Variants in ZNF609 observed in about 807,000 individuals in gnomAD.
ZNF609 encodes zinc finger protein 609.
Under a neutral mutation model 109.5 loss-of-function variants are expected in ZNF609, and 11 were observed. The observed-to-expected ratio is 0.10, with a 90% CI of 0.06 to 0.17. The LOEUF (loss-of-function observed/expected upper bound fraction) is 0.17. Ranked by LOEUF, ZNF609 falls within the 10% of genes least tolerant of loss-of-function variation. The pLI is 1.00. For missense variants in ZNF609, 1,559 were observed against 1,772.4 expected (o/e 0.88, Z 2.16); for synonymous variants, 646 against 662.0 (o/e 0.98, Z 0.37).
chr15:64,614,110 G>C (rs1384108294), intron 2 of ZNF609, among the ~76,000 whole-genome samples: 2 of 149,402 alleles, frequency 1.3e-5, no homozygotes, highest in Non-Finnish European at 3.0e-5. Flanking sequence ...TAGTAGAGAC[G>C]GGGTTTCACC....
chr15:64,507,443 C>T (rs1893653450), intron 2 of ZNF609, among the ~76,000 whole-genome samples: 1 of 152,174 alleles, frequency 6.6e-6, no homozygotes. Flanking sequence ...ACTCTTCAAG[C>T]CATGCTTGAG....
In ZNF609 at chr15:64,681,442, T is replaced by A. The variant is rs906170292; in HGVS notation, c.*5+55T>A. ...ACATAAAGCCGGGATAGTTGCTACC[T>A]GGATCACAGAATCCCTAGGTGAGAA... On this transcript the variant is annotated intron_variant, in intron 9 of 9. Coordinates refer to ENST00000326648, the MANE Select transcript of ZNF609 (RefSeq NM_015042.2). The A allele has an allele frequency of 4.8e-6, 7 of 1,446,248 alleles. No individual in the cohort carries two copies. The Admixed American group carries it at 1.2e-4, about 24-fold the overall frequency. 89.6% of individuals were successfully genotyped at this position (1,446,248 alleles called of 1,614,324 possible).
intron 2 of ZNF609, among the ~76,000 whole-genome samples, chr15:64,515,356 CAAGTTTTCATGTTGA>C (rs1346363311): frequency 1.3e-5 from 2 of 152,092 alleles, no homozygotes; most frequent in East Asian, 3.9e-4. Flanking sequence ...ACTGGCCAAA[CAAGTTTTCATGTTGA>C]AAAGCTGAGT....
At chr15:64,618,096 A>AG (rs11375501) in intron 2 of ZNF609, among the ~76,000 whole-genome samples, 8,047 of 152,222 alleles carry the variant, frequency 0.053, 718 homozygotes, top group African/African-American at 0.18. Context: ...TAGGTATATG[A>AG]AAAGATGGCA....
chr15:64,538,296 AG>A (rs963074758), intron 2 of ZNF609, among the ~76,000 whole-genome samples: 5 of 152,228 alleles, frequency 3.3e-5, no homozygotes, highest in African/African-American at 1.2e-4. Context: ...TCAGTTGCTA[AG>A]ACACTTGATG....
At chr15:64,543,010 G>A (rs1432577693) in intron 2 of ZNF609, among the ~76,000 whole-genome samples, 1 of 152,094 alleles carries the variant, frequency 6.6e-6, no homozygotes, top group Non-Finnish European at 1.5e-5. Context: ...GGGGCAAGGG[G>A]AGGGAGAGCA....
chr15:64,582,172 A>G (rs1895114178), intron 2 of ZNF609, among the ~76,000 whole-genome samples: 2 of 152,192 alleles, frequency 1.3e-5, no homozygotes, highest in Admixed American at 1.3e-4. Context: ...TTGTTTAAAT[A>G]TAGCCTTACT....
intron 2 of ZNF609, among the ~76,000 whole-genome samples, chr15:64,594,652 T>C (rs1222155947): frequency 6.6e-6 from 1 of 151,686 alleles, no homozygotes; most frequent in African/African-American, 2.4e-5. Context: ...AATGTAAAGA[T>C]TTTGAGGGCC....
At chr15:64,609,071 T>TCTTG (rs1491176861) in intron 2 of ZNF609, among the ~76,000 whole-genome samples, 1 of 29,800 alleles carries the variant, frequency 3.4e-5, no homozygotes, top group South Asian at 8.5e-4. Flanking sequence ...AATTTTTCTT[T>TCTTG]CTTTCTTTCT....
chr15:64,602,788 T>C (rs1895523106), intron 2 of ZNF609, among the ~76,000 whole-genome samples: 1 of 145,812 alleles, frequency 6.9e-6, no homozygotes, highest in South Asian at 2.2e-4. Flanking sequence ...AGTGGCGTGA[T>C]CTCGGCTCAC....
At chr15:64,605,879 G>A (rs1210473805) in intron 2 of ZNF609, among the ~76,000 whole-genome samples, 4 of 146,378 alleles carry the variant, frequency 2.7e-5, no homozygotes, top group Non-Finnish European at 4.5e-5. Context: ...GATTACAGGC[G>A]CCTGCCACCA....
rs558049228 is a variant in ZNF609 at position 64,670,336 on chromosome 15, T to C, written c.974-10T>C. On this transcript the variant is annotated splice_polypyrimidine_tract_variant and intron_variant, in intron 3 of 9. Transcript: ENST00000326648. ...TGTCTTGTCTATATCTATGTGCTCT[T>C]ATTTTCCAGGGATGTTGGTGGTAAA... 22 of 1,612,666 alleles carry C rather than the reference T, an allele frequency of 1.4e-5. No homozygotes were observed. In the South Asian group the frequency reaches 2.2e-4, roughly 16 times the overall value.
intron 1 of ZNF609, among the ~76,000 whole-genome samples, chr15:64,491,395 C>T (rs1050470787): frequency 1.3e-5 from 2 of 152,202 alleles, no homozygotes; most frequent in Admixed American, 1.3e-4. Context: ...GTTACCTTCT[C>T]AGCAACTTTG....
At chr15:64,510,084 A>G (rs1374263669) in intron 2 of ZNF609, among the ~76,000 whole-genome samples, 1 of 152,222 alleles carries the variant, frequency 6.6e-6, no homozygotes, top group African/African-American at 2.4e-5. Flanking sequence ...CTCATCCCAT[A>G]GGCATTTTAT....
At chr15:64,503,414 G>T (rs151225212) in intron 2 of ZNF609, among the ~76,000 whole-genome samples, 34 of 152,318 alleles carry the variant, frequency 2.2e-4, no homozygotes, top group African/African-American at 7.9e-4. Context: ...TAGTTTGATT[G>T]ATGGATTGTT....
intron 2 of ZNF609, among the ~76,000 whole-genome samples, chr15:64,521,156 G>A (rs1189153527): frequency 2.0e-5 from 3 of 152,138 alleles, no homozygotes; most frequent in Admixed American, 1.3e-4. Context: ...AGTAACCCAC[G>A]TCCATGTCTT....
At chr15:64,529,978 C>G (rs1017326362) in intron 2 of ZNF609, among the ~76,000 whole-genome samples, 5 of 151,888 alleles carry the variant, frequency 3.3e-5, no homozygotes, top group Non-Finnish European at 7.4e-5. Flanking sequence ...GATCCACCCA[C>G]CTCGGCCTCC....
intron 1 of ZNF609, among the ~76,000 whole-genome samples, chr15:64,484,940 C>CAA (rs1289222106): frequency 2.6e-5 from 4 of 152,190 alleles, no homozygotes; most frequent in African/African-American, 9.6e-5. Context: ...CGCCACTGCA[C>CAA]TCCAGCTTGG....
intron 1 of ZNF609, among the ~76,000 whole-genome samples, chr15:64,484,743 A>T (rs534833827): frequency 2.0e-5 from 3 of 148,406 alleles, no homozygotes; most frequent in Admixed American, 1.4e-4. Context: ...TGGGAGGCCG[A>T]GGCGGGCGGA....
Sources: gnomAD v4.1 joint callset for allele counts (sites outside exome capture counted in the v4.1 genomes callset) on GRCh38, gnomAD v4.1.1 for gene constraint, MANE v1.5 for transcripts, NCBI Gene and HGNC (gene_info 2026-07-23, HGNC 2026-07-21) for gene names.